SERPINB2: variants seen among roughly 807,000 people sequenced by gnomAD.
The protein encoded by SERPINB2 is serpin family B member 2, also known as plasminogen activator inhibitor 2.
A neutral mutation model predicts 39.4 loss-of-function variants in SERPINB2; 28 were observed. That is an observed-to-expected ratio of 0.71 (90% CI 0.53 to 0.97). The LOEUF (loss-of-function observed/expected upper bound fraction) is 0.97, where lower values mean the gene tolerates loss of function less well. SERPINB2 is among the 50% of genes least tolerant of loss of function. The pLI, the probability that SERPINB2 is intolerant of heterozygous loss-of-function variation, is 0.00. For missense variants in SERPINB2, 557 were observed against 505.3 expected (o/e 1.10, Z -0.98); for synonymous variants, 209 against 175.1 (o/e 1.19, Z -1.53).
Position 63,902,442 on chromosome 18 carries a change from A to G in SERPINB2, c.717A>G (p.Glu239=). 3.7e-6 allele frequency: 6 copies of G among 1,613,410 alleles called. No homozygotes were observed. The highest frequency in any genetic ancestry group is 5.1e-6 in the Non-Finnish European group (6 of 1,179,582). The change falls in exon 7 of 8, where the codon GAA becomes GAG. Residue 239 remains glutamate, a synonymous_variant. Coordinates refer to ENST00000299502, the MANE Select transcript of SERPINB2 (RefSeq NM_002575.3). ...RTPVQMMYLR[E]KLNIGYIEDL... ...CTGTACAGATGATGTACTTGCGTGA[A>G]AAGCTAAACATTGGATACATAGAAG...
chr18:63,893,224 G>A (rs1035617062), intron 2 of SERPINB2, among the ~76,000 whole-genome samples: 5 of 152,084 alleles, frequency 3.3e-5, no homozygotes, highest in African/African-American at 4.8e-5. Context: ...CAGTGCACCC[G>A]GCCTAGGTTT....
At chr18:63,901,247 C>T (rs538137360) in intron 5 of SERPINB2, among the ~76,000 whole-genome samples, 1 of 152,226 alleles carries the variant, frequency 6.6e-6, no homozygotes, top group South Asian at 2.1e-4. Context: ...CAGGATAATT[C>T]TTCCTTTCTC....
In SERPINB2 at chr18:63,902,437, C is replaced by G. The variant is rs758753971; in HGVS notation, c.712C>G (p.Arg238Gly). ...CACACCTGTACAGATGATGTACTTG[C>G]GTGAAAAGCTAAACATTGGATACAT... ...QRTPVQMMYL[R>G]EKLNIGYIED... The change falls in exon 7 of 8, where the codon CGT (arginine) becomes GGT (glycine). Residue 238 changes from arginine to glycine, a missense_variant. By Grantham distance (125) the Arg-to-Gly change is moderately radical. Transcript: ENST00000299502. The G allele has an allele frequency of 3.1e-6, 5 of 1,612,868 alleles. No individual in the cohort carries two copies. The African/African-American group carries it at 5.3e-5, about 17-fold the overall frequency.
chr18:63,902,855 C>A (rs763566478), intron 7 of SERPINB2, 46 bp from the exon 8 acceptor site: 5 of 1,479,630 alleles, frequency 3.4e-6, no homozygotes, highest in Non-Finnish European at 4.5e-6. Flanking sequence ...CTTTCTAATA[C>A]TTGCTGTATT....
chr18:63,897,742 T>C lies in SERPINB2; in HGVS notation c.433T>C (p.Cys145Arg). Residue 145 changes from cysteine (C) to arginine (R), a missense_variant, in exon 5 of 8, where the codon TGT becomes CGT. Physicochemically the swap from Cys to Arg is radical, Grantham distance 180 (BLOSUM62 -3). Transcript: ENST00000299502. ...ASFREEYIRL[C>R]QKYYSSEPQA... Reference sequence around the variant, plus strand: ...TGCTTTAAAGGAATATATTCGACTCTGTCAGAAATATTACTCCTCAGAACC... The same window carrying C: ...TGCTTTAAAGGAATATATTCGACTCCGTCAGAAATATTACTCCTCAGAACC... The C allele has an allele frequency of 6.2e-7, 1 of 1,606,978 alleles. No homozygotes were observed. The highest frequency in any genetic ancestry group is 1.1e-5 in the South Asian group (1 of 90,896).
chr18:63,902,908 G>T lies in SERPINB2; in HGVS notation c.851G>T (p.Ser284Ile), dbSNP rs926522669. The T allele has an allele frequency of 3.1e-6, 5 of 1,588,036 alleles. No homozygotes were observed. In the African/African-American group the frequency reaches 5.4e-5, roughly 17 times the overall value. ...TTTTGTTTTGCTTTGCAGCTGGAAAGTGAAATAACCTATGACAAACTCAAC... is the reference window on the plus strand; with the variant it reads ...TTTTGTTTTGCTTTGCAGCTGGAAATTGAAATAACCTATGACAAACTCAAC... ...DVSTGLELLE[S>I]EITYDKLNKW... The change falls in exon 8 of 8, where the codon AGT becomes ATT. Residue 284 changes from serine (S) to isoleucine (I), a missense_variant. Physicochemically the swap from Ser to Ile is moderately radical, Grantham distance 142. Coordinates refer to ENST00000299502, the MANE Select transcript of SERPINB2 (RefSeq NM_002575.3).
chr18:63,896,331 T>C (rs2049959262), intron 3 of SERPINB2, among the ~76,000 whole-genome samples: 1 of 152,206 alleles, frequency 6.6e-6, no homozygotes, highest in African/African-American at 2.4e-5. Flanking sequence ...CAAACTTCAG[T>C]TTGAGAACTG....
At position 63,903,299 on chromosome 18, in the gene SERPINB2, AC is replaced by A; in HGVS notation, c.1245del (p.Ter416LysfsTer14). 1.3e-6 allele frequency: 2 copies of A among 1,503,666 alleles called. No homozygotes were observed. The highest frequency in any genetic ancestry group is 1.8e-6 in the Non-Finnish European group (2 of 1,126,798). The allele number at this position is 1,503,666 out of a possible 1,614,324, so 93.1% of individuals were successfully genotyped here. ...TTTTATTTTTCGGCAGATTTTCCTC[AC>A]CCTAAAACTAAGCGTGCTGCTTCTG... ...CILFFGRFSSP is the reference protein window; with the variant it reads ...CILFFGRFSSX On this transcript the variant is annotated frameshift_variant, in exon 8 of 8. Transcript: ENST00000299502. LOFTEE classifies it high-confidence loss of function.
intron 5 of SERPINB2, among the ~76,000 whole-genome samples, chr18:63,901,260 C>T (rs1251806995): frequency 6.6e-6 from 1 of 152,122 alleles, no homozygotes; most frequent in African/African-American, 2.4e-5. Flanking sequence ...CCTTTCTCAT[C>T]TCTTGTATCT....
At chr18:63,890,875 T>C (rs1193661235) in intron 1 of SERPINB2, 1 of 152,586 alleles carries the variant, frequency 6.6e-6, no homozygotes, top group Non-Finnish European at 1.5e-5. Context: ...AGAAAGAAGA[T>C]TGACCGTCTT....
chr18:63,896,583 G>T (rs2049960801), intron 3 of SERPINB2, among the ~76,000 whole-genome samples: 1 of 152,096 alleles, frequency 6.6e-6, no homozygotes, highest in African/African-American at 2.4e-5. Context: ...AAATTAATGA[G>T]CACATCCATC....
intron 2 of SERPINB2, 65 bp from the exon 3 acceptor site, chr18:63,895,199 A>G: frequency 7.5e-6 from 12 of 1,592,142 alleles, no homozygotes; most frequent in Non-Finnish European, 1.0e-5. Flanking sequence ...CCTGATAGCC[A>G]TCTGTTTTAA....
Position 63,895,333 on chromosome 18 carries a change from G to C in SERPINB2, c.238G>C (p.Gly80Arg), listed in dbSNP as rs765855871. ...GACTCCAGAGAACTTTACCAGCTGT[G>C]GGTTCATGCAGCAGATCCAGAAGGG... ...PMTPENFTSC[G>R]FMQQIQKGSY... The change falls in exon 3 of 8, where the codon GGG becomes CGG. Residue 80 changes from glycine (G) to arginine (R), a missense_variant. Coordinates refer to ENST00000299502, the MANE Select transcript of SERPINB2 (RefSeq NM_002575.3). 4 of 1,614,092 alleles carry C rather than the reference G, an allele frequency of 2.5e-6. No homozygotes were observed. The highest frequency in any genetic ancestry group is 2.5e-6 in the Non-Finnish European group (3 of 1,179,978).
At chr18:63,902,243 CAG>C (rs1358961877) in intron 6 of SERPINB2, among the ~76,000 whole-genome samples, 159 bp from the exon 7 acceptor site, 1 of 152,152 alleles carries the variant, frequency 6.6e-6, no homozygotes, top group African/African-American at 2.4e-5. Context: ...CTAATAACAT[CAG>C]AGTACCCACT....
At chr18:63,899,527 A>G (rs191027503) in intron 5 of SERPINB2, among the ~76,000 whole-genome samples, 2 of 152,300 alleles carry the variant, frequency 1.3e-5, no homozygotes, top group Admixed American at 6.5e-5. Context: ...AGAATTGTGT[A>G]AGTATTTCAT....
intron 3 of SERPINB2, among the ~76,000 whole-genome samples, 179 bp downstream of exon 3, chr18:63,895,562 C>A (rs562451754): frequency 8.5e-5 from 13 of 152,268 alleles, no homozygotes; most frequent in African/African-American, 3.1e-4. Context: ...TAACGAGAGA[C>A]GAGCCAGGAC....
chr18:63,888,452 G>A (rs2049906032), intron 1 of SERPINB2, among the ~76,000 whole-genome samples: 1 of 152,138 alleles, frequency 6.6e-6, no homozygotes, highest in Admixed American at 6.5e-5. Context: ...TTCTGTTGGG[G>A]GAGATGTAGC....
At chr18:63,889,935 C>G (rs2049915278) in intron 1 of SERPINB2, 1 of 151,810 alleles carries the variant, frequency 6.6e-6, no homozygotes, top group Non-Finnish European at 1.5e-5. Context: ...GAGTGGGCTT[C>G]CTTAGACAGA....
intron 5 of SERPINB2, among the ~76,000 whole-genome samples, chr18:63,900,642 A>T (rs2049985965): frequency 6.6e-6 from 1 of 152,162 alleles, no homozygotes; most frequent in Non-Finnish European, 1.5e-5. Flanking sequence ...TTGGGTCATC[A>T]GGTCATTGCC....
Sources: gnomAD v4.1 joint callset for allele counts (sites outside exome capture counted in the v4.1 genomes callset) on GRCh38, gnomAD v4.1.1 for gene constraint, MANE v1.5 for transcripts, NCBI Gene and HGNC (gene_info 2026-07-23, HGNC 2026-07-21) for gene names.